Variants in FBLN1 observed in about 807,000 individuals in gnomAD.
The protein encoded by FBLN1 is fibulin 1.
A neutral mutation model predicts 89.7 loss-of-function variants in FBLN1; 34 were observed. The ratio of observed to expected loss-of-function variants is 0.38; its 90% CI spans 0.29 to 0.50. The LOEUF (loss-of-function observed/expected upper bound fraction) is 0.50, where lower values mean the gene tolerates loss of function less well. Among genes scored for constraint, FBLN1 ranks in the 20% least tolerant of loss-of-function variants. FBLN1 has a pLI of 0.92. For synonymous variants in FBLN1, 393 were observed against 391.3 expected, an observed-to-expected ratio of 1.00 and a Z score of -0.05; for missense variants, 777 against 988.1, an observed-to-expected ratio of 0.79 and a Z score of 2.86.
rs2088480397 is a variant in FBLN1, at chr22:45,536,195, A to C, written c.922+858A>C. Among the ~76,000 whole-genome samples, 1 of 152,184 alleles carries C rather than the reference A, an allele frequency of 6.6e-6. No homozygotes were observed. The highest frequency in any genetic ancestry group is 6.5e-5 in the Admixed American group (1 of 15,280). On this transcript the variant is annotated intron_variant, in intron 8 of 16. Transcript: ENST00000327858. The surrounding 1 kb of genome is among the most constrained non-coding windows in gnomAD (Gnocchi z 5.1). ...TCTCAAAAATAAAATAAAATATAAA[A>C]ATAAAAAACAGTCTGTGTTAGTATT...
chr22:45,505,053 G>A (rs988067810), intron 1 of FBLN1, among the ~76,000 whole-genome samples: 3 of 152,218 alleles, frequency 2.0e-5, no homozygotes, highest in African/African-American at 7.2e-5. Context: ...GAGCCTGTTA[G>A]CTGATCTGCA....
chr22:45,558,228 C>G lies in FBLN1; in HGVS notation c.1697+7613C>G, dbSNP rs2088813018. The G allele has an allele frequency of 7.1e-6, 4 of 560,392 alleles. No individual in the cohort carries two copies. In the South Asian group the frequency reaches 8.8e-5, roughly 12 times the overall value. The allele number at this position is 560,392 out of a possible 1,614,324, so 34.7% of individuals were successfully genotyped here. ...AAGCCCGATCACGTATATACCACTTCCATTTGATGATGGAATGCTGCTGTT... is the reference window on the plus strand; with the variant it reads ...AAGCCCGATCACGTATATACCACTTGCATTTGATGATGGAATGCTGCTGTT... On this transcript the variant is annotated intron_variant, in intron 14 of 16. Coordinates refer to ENST00000327858, the MANE Select transcript of FBLN1 (RefSeq NM_006486.3).
Position 45,577,058 on chromosome 22 carries a change from T to C in FBLN1, c.1922T>C (p.Leu641Pro), listed in dbSNP as rs749608739. Residue 641 changes from leucine to proline, a missense_variant, in exon 16 of 17, where the codon CTG becomes CCG. By Grantham distance (98) the Leu-to-Pro change is moderately conservative. Coordinates refer to ENST00000327858, the MANE Select transcript of FBLN1 (RefSeq NM_006486.3). This position sits in a 1 kb window ranked among gnomAD's most constrained non-coding sequence, Gnocchi z 6.6. ...ATCTTCGACATCACGGAAGGGAACC[T>C]GCGGGACTCTTTTGACATCATCAAG... is the stretch of plus-strand genomic sequence containing the variant. ...NIIFDITEGN[L>P]RDSFDIIKRY... 1.2e-6 allele frequency: 2 copies of C among 1,614,162 alleles called. No individual in the cohort carries two copies. The highest frequency in any genetic ancestry group is 1.7e-6 in the Non-Finnish European group (2 of 1,180,020).
rs1418138910 is a variant in FBLN1 at position 45,545,301 on chromosome 22, A to G, written c.1321+1775A>G. On this transcript the variant is annotated intron_variant, in intron 11 of 16. Transcript: ENST00000327858. This position sits in a 1 kb window ranked among gnomAD's most constrained non-coding sequence, Gnocchi z 5.9. ...GTCTTTCCTGGGCCATGGTGTCCTC[A>G]TCTGTAAAACGGGCATAGTAGGACC... Among the ~76,000 whole-genome samples, 1 of 152,122 alleles carries G rather than the reference A, an allele frequency of 6.6e-6. No homozygotes were observed.
intron 11 of FBLN1, among the ~76,000 whole-genome samples, chr22:45,546,456 C>T (rs553779737): frequency 3.7e-4 from 57 of 152,306 alleles, no homozygotes; most frequent in African/African-American, 1.1e-3. Context: ...CCTCGTGATC[C>T]GCCCACCTCG....
chr22:45,555,874 G>A (rs904561005), intron 14 of FBLN1, among the ~76,000 whole-genome samples: 5 of 152,086 alleles, frequency 3.3e-5, no homozygotes, highest in East Asian at 1.9e-4. Context: ...TAAAGTTAAC[G>A]ATACTTAAAT....
chr22:45,504,629 C>T (rs1005374130), intron 1 of FBLN1, among the ~76,000 whole-genome samples: 4 of 152,060 alleles, frequency 2.6e-5, no homozygotes, highest in South Asian at 4.1e-4. Context: ...TGAGAGAAGG[C>T]GTGGTAAAAC....
chr22:45,583,477 G>C lies in FBLN1; in HGVS notation c.1972+6369G>C, dbSNP rs1013530729. 6.6e-6 allele frequency among the ~76,000 whole-genome samples: 1 copy of C among 152,222 alleles called. No individual in the cohort carries two copies. The highest frequency in any genetic ancestry group is 2.4e-5 in the African/African-American group (1 of 41,464). On this transcript the variant is annotated intron_variant, in intron 16 of 16. Transcript: ENST00000327858. The surrounding 1 kb of genome is among the most constrained non-coding windows in gnomAD (Gnocchi z 4.5). ...TCTCATTAATGGAATCAGATGAAAC[G>C]ATGTATGTGAAAGCTCCCAGCAGTG...
rs1207281286 is a variant in FBLN1, at chr22:45,581,118, A to G, written c.1972+4010A>G. Among the ~76,000 whole-genome samples, 1 of 152,160 alleles carries G rather than the reference A, an allele frequency of 6.6e-6. No individual in the cohort carries two copies. Among genetic ancestry groups the G allele is most frequent in the Non-Finnish European group, 1.5e-5 (1 of 68,026 alleles). On this transcript the variant is annotated intron_variant, in intron 16 of 16. Transcript: ENST00000327858. The surrounding 1 kb of genome is among the most constrained non-coding windows in gnomAD (Gnocchi z 7.6). ...TCTGGGAAGAGATCTTTCAGGTAGT[A>G]TATCCTGAGTGATGACTAATGGGGG...
intron 14 of FBLN1, among the ~76,000 whole-genome samples, chr22:45,555,005 A>G (rs8136586): frequency 0.041 from 3,202 of 77,896 alleles, 246 homozygotes; most frequent in African/African-American, 0.13. Context: ...CACCACAGGA[A>G]GTTAGGACCC....
At chr22:45,508,703 G>A (rs553292994) in intron 1 of FBLN1, among the ~76,000 whole-genome samples, 13 of 152,278 alleles carry the variant, frequency 8.5e-5, no homozygotes, top group Admixed American at 2.6e-4. Flanking sequence ...GAGGCTGCAT[G>A]GCCTCGGGCA....
intron 1 of FBLN1, 155 bp downstream of exon 1, chr22:45,503,219 C>A (rs918367629): frequency 1.3e-5 from 5 of 384,744 alleles, no homozygotes; most frequent in Non-Finnish European, 2.1e-5. Flanking sequence ...GCGACGCCCC[C>A]CTCCCCCACG....
At chr22:45,518,949 C>G (rs971719152) in intron 2 of FBLN1, among the ~76,000 whole-genome samples, 162 bp downstream of exon 2, 3 of 152,142 alleles carry the variant, frequency 2.0e-5, no homozygotes, top group Admixed American at 1.3e-4. Context: ...CTGCCTCCCT[C>G]CTGGCACCGG....
chr22:45,543,268 A>G, intron 10 of FBLN1, 133 bp from the exon 11 acceptor site: 1 of 1,136,794 alleles, frequency 8.8e-7, no homozygotes, highest in Non-Finnish European at 1.3e-6. Flanking sequence ...TCCATCTCAA[A>G]GATGAAGGAA....
At chr22:45,547,396 T>TG (rs1384989299) in intron 12 of FBLN1, among the ~76,000 whole-genome samples, 192 bp downstream of exon 12, 2 of 139,126 alleles carry the variant, frequency 1.4e-5, no homozygotes, top group Non-Finnish European at 3.1e-5. Flanking sequence ...GTTTTTTTTT[T>TG]TTTTTTTTTT....
chr22:45,524,436 C>T (rs761960260), intron 2 of FBLN1, among the ~76,000 whole-genome samples: 12 of 152,284 alleles, frequency 7.9e-5, no homozygotes, highest in African/African-American at 2.4e-4. Flanking sequence ...TTTGGCAGGT[C>T]GAGGACCTCT....
chr22:45,527,760 T>G (rs1186024465), intron 3 of FBLN1, 87 bp from the exon 4 acceptor site: 12 of 1,409,942 alleles, frequency 8.5e-6, no homozygotes, highest in African/African-American at 1.4e-5. Context: ...GACAGGGGGC[T>G]CAGAGAGGCC....
rs937090484 is a variant in FBLN1, at chr22:45,590,623, G to A, written c.1973-9684G>A. Among the ~76,000 whole-genome samples the A allele has an allele frequency of 6.6e-6, 1 of 152,200 alleles. No homozygotes were observed. Among genetic ancestry groups the A allele is most frequent in the African/African-American group, 2.4e-5 (1 of 41,456 alleles). ...AAAGGAAGGTGGTACACGTGTTCAG[G>A]TAGATGCGACGAGGCCGGAACTGAG... On this transcript the variant is annotated intron_variant, in intron 16 of 16. Coordinates refer to ENST00000327858, the MANE Select transcript of FBLN1 (RefSeq NM_006486.3). This position sits in a 1 kb window ranked among gnomAD's most constrained non-coding sequence, Gnocchi z 4.1.
chr22:45,574,535 G>A lies in FBLN1; in HGVS notation c.1722G>A (p.Thr574=), dbSNP rs757797343. The A allele has an allele frequency of 2.0e-5, 33 of 1,614,030 alleles. No homozygotes were observed. The highest frequency in any genetic ancestry group is 1.6e-4 in the South Asian group (15 of 91,088). ...GGCTCCAGCAGGAGAAGACAGACACGGTCCGCTGCATCAAGTCCTGCCGCC... is the reference window on the plus strand; with the variant it reads ...GGCTCCAGCAGGAGAAGACAGACACAGTCCGCTGCATCAAGTCCTGCCGCC... The part of the protein sequence containing the change: ...AATLQQEKTD[T]VRCIKSCRPN... Residue 574 remains threonine, a synonymous_variant, in exon 15 of 17, where the codon ACG becomes ACA. Coordinates refer to ENST00000327858, the MANE Select transcript of FBLN1 (RefSeq NM_006486.3). This position sits in a 1 kb window ranked among gnomAD's most constrained non-coding sequence, Gnocchi z 4.1.
Sources: gnomAD v4.1 joint callset for allele counts (sites outside exome capture counted in the v4.1 genomes callset) on GRCh38, gnomAD v4.1.1 for gene constraint, Gnocchi (gnomAD v3.1) non-coding constraint, MANE v1.5 for transcripts, NCBI Gene and HGNC (gene_info 2026-07-23, HGNC 2026-07-21) for gene names.